SNX29: variants seen among roughly 807,000 people sequenced by gnomAD.
SNX29 encodes the protein sorting nexin-29.
SNX29 carries 78 observed loss-of-function variants against 102.1 expected under a neutral mutation model. That is an observed-to-expected ratio of 0.76 (90% confidence interval 0.64 to 0.92). The LOEUF (loss-of-function observed/expected upper bound fraction) is 0.92, where lower values mean the gene tolerates loss of function less well. SNX29 is among the 40% of genes least tolerant of loss of function. The pLI, the probability that SNX29 is intolerant of heterozygous loss-of-function variation, is 0.00. For synonymous variants in SNX29, 580 were observed against 414.5 expected, an observed-to-expected ratio of 1.40 and a Z score of -4.85; for missense variants, 1,280 against 1,061.7, an observed-to-expected ratio of 1.21 and a Z score of -2.86.
chr16:12,564,836 G>T (rs1010221010), intron 20 of SNX29, among the ~76,000 whole-genome samples: 1 of 144,868 alleles, frequency 6.9e-6, no homozygotes, highest in Non-Finnish European at 1.5e-5. Flanking sequence ...CAACGCTGAA[G>T]TCGGCAGCTA....
chr16:12,455,593 T>C (rs2086501825), intron 18 of SNX29, among the ~76,000 whole-genome samples: 1 of 152,236 alleles, frequency 6.6e-6, no homozygotes, highest in Non-Finnish European at 1.5e-5. Flanking sequence ...TAGGTGAGAC[T>C]TTTCTGACTT....
At chr16:12,506,629 C>G (rs1248780604) in intron 19 of SNX29, among the ~76,000 whole-genome samples, 2 of 152,186 alleles carry the variant, frequency 1.3e-5, no homozygotes, top group South Asian at 2.1e-4. Context: ...AAAGAAATCA[C>G]TGAGCTTTCT....
In SNX29 at chr16:12,570,141, G is replaced by C. The variant is rs1321453491; in HGVS notation, c.*1512G>C. On this transcript the variant is annotated 3_prime_UTR_variant, in exon 21 of 21. Coordinates refer to ENST00000566228, the MANE Select transcript of SNX29 (RefSeq NM_032167.5). ...GTTCATGGCCTTTAAGGAAGGCTGAGATCACTCACACACAGCGCCCCCCCA... is the reference window on the plus strand; with the variant it reads ...GTTCATGGCCTTTAAGGAAGGCTGACATCACTCACACACAGCGCCCCCCCA... 2 of 1,061,350 alleles carry C rather than the reference G, an allele frequency of 1.9e-6. No individual in the cohort carries two copies. The highest frequency in any genetic ancestry group is 1.6e-5 in the African/African-American group (1 of 61,068). The allele number at this position is 1,061,350 out of a possible 1,614,324, so 65.7% of individuals were successfully genotyped here. A position where few individuals can be genotyped will look rare whatever the true frequency, so the allele number is the denominator to read the frequency against.
chr16:12,362,732 C>T (rs538432199), intron 16 of SNX29, among the ~76,000 whole-genome samples: 5 of 152,054 alleles, frequency 3.3e-5, no homozygotes, highest in South Asian at 4.2e-4. Flanking sequence ...CCCTGAAGCC[C>T]TGACAAGGTC....
At chr16:12,359,697 C>A (rs1036901772) in intron 16 of SNX29, among the ~76,000 whole-genome samples, 22 of 152,228 alleles carry the variant, frequency 1.4e-4, no homozygotes, top group African/African-American at 4.3e-4. Flanking sequence ...TGCTCATACT[C>A]TACTCATTAC....
At chr16:12,276,189 T>G (rs371977995) in intron 14 of SNX29, among the ~76,000 whole-genome samples, 97 of 152,278 alleles carry the variant, frequency 6.4e-4, no homozygotes, top group African/African-American at 2.1e-3. Flanking sequence ...CCACCGCACC[T>G]GGCCTTAATT....
intron 1 of SNX29, among the ~76,000 whole-genome samples, chr16:11,987,302 C>G (rs1335187019): frequency 6.6e-6 from 1 of 151,904 alleles, no homozygotes; most frequent in African/African-American, 2.4e-5. Flanking sequence ...AGTCCTGAGC[C>G]CAAGCAGCCC....
intron 20 of SNX29, among the ~76,000 whole-genome samples, chr16:12,557,021 C>CCCCCCA (rs1567194820): frequency 3.5e-4 from 15 of 42,638 alleles, no homozygotes; most frequent in African/African-American, 1.3e-3. Context: ...ATTTACCCCC[C>CCCCCCA]CCCCGCCCCA....
intron 4 of SNX29, among the ~76,000 whole-genome samples, chr16:12,037,552 G>C (rs1217862709): frequency 6.6e-6 from 1 of 152,134 alleles, no homozygotes; most frequent in East Asian, 1.9e-4. Context: ...TTAATTGCCT[G>C]CCCTGGGTTA....
intron 14 of SNX29, among the ~76,000 whole-genome samples, chr16:12,250,184 C>T (rs1278105916): frequency 6.6e-6 from 1 of 152,192 alleles, no homozygotes; most frequent in East Asian, 1.9e-4. Context: ...GGTGGAGGAG[C>T]ATGTGCAAAG....
At chr16:12,150,084 T>C (rs996834958) in intron 13 of SNX29, among the ~76,000 whole-genome samples, 1 of 152,116 alleles carries the variant, frequency 6.6e-6, no homozygotes, top group Non-Finnish European at 1.5e-5. Context: ...AATGAGGAGT[T>C]TGGCCTCGGT....
chr16:12,201,088 G>C (rs1245629579), intron 14 of SNX29, among the ~76,000 whole-genome samples: 5 of 152,152 alleles, frequency 3.3e-5, no homozygotes, highest in African/African-American at 1.2e-4. Flanking sequence ...GTTTGATCAG[G>C]ATCAGCTTAT....
At chr16:11,995,703 G>A (rs1216419249) in intron 1 of SNX29, among the ~76,000 whole-genome samples, 1 of 151,560 alleles carries the variant, frequency 6.6e-6, no homozygotes, top group Non-Finnish European at 1.5e-5. Context: ...AAGGGTAGGT[G>A]CTAAACCTTT....
intron 14 of SNX29, among the ~76,000 whole-genome samples, chr16:12,243,063 C>T (rs529851038): frequency 8.5e-5 from 13 of 152,350 alleles, no homozygotes; most frequent in African/African-American, 2.6e-4. Flanking sequence ...CCGTCTTTCA[C>T]GTGTCCTGGC....
At chr16:12,123,117 T>C (rs1230506172) in intron 11 of SNX29, among the ~76,000 whole-genome samples, 2 of 152,194 alleles carry the variant, frequency 1.3e-5, no homozygotes, top group East Asian at 3.9e-4. Context: ...TGAGCCACCG[T>C]GCCCAGCCTA....
At chr16:12,073,739 C>G (rs7500370) in intron 10 of SNX29, among the ~76,000 whole-genome samples, 1 of 151,748 alleles carries the variant, frequency 6.6e-6, no homozygotes, top group South Asian at 2.1e-4. Flanking sequence ...CTTTCTGTCT[C>G]GTTGATCTGT....
intron 14 of SNX29, among the ~76,000 whole-genome samples, chr16:12,273,080 GTTAATAC>G (rs2079139177): frequency 6.6e-6 from 1 of 152,146 alleles, no homozygotes; most frequent in African/African-American, 2.4e-5. Context: ...TTTCTCTGGT[GTTAATAC>G]TTAATTCAAC....
chr16:11,997,245 C>T (rs1044659114), intron 1 of SNX29, among the ~76,000 whole-genome samples: 5 of 152,162 alleles, frequency 3.3e-5, no homozygotes, highest in African/African-American at 7.2e-5. Flanking sequence ...GTCCTACCTC[C>T]GAGCCTCTCC....
chr16:12,301,715 C>T (rs769151431), intron 15 of SNX29, among the ~76,000 whole-genome samples: 3 of 152,164 alleles, frequency 2.0e-5, no homozygotes, highest in South Asian at 2.1e-4. Flanking sequence ...AATCCTGGCT[C>T]GGAGGATGGA....
Sources: gnomAD v4.1 joint callset for allele counts (sites outside exome capture counted in the v4.1 genomes callset) on GRCh38, gnomAD v4.1.1 for gene constraint, MANE v1.5 for transcripts, NCBI Gene and HGNC (gene_info 2026-07-23, HGNC 2026-07-21) for gene names.